PTPRU: variants seen among roughly 807,000 people sequenced by gnomAD.
PTPRU encodes receptor-type tyrosine-protein phosphatase U.
A neutral mutation model predicts 166.3 loss-of-function variants in PTPRU; 69 were observed. The ratio of observed to expected loss-of-function variants is 0.41; its 90% CI spans 0.34 to 0.51. The LOEUF (loss-of-function observed/expected upper bound fraction) is 0.51, where lower values mean the gene tolerates loss of function less well. PTPRU is among the 20% of genes least tolerant of loss of function. The probability of loss-of-function intolerance (pLI) is 0.09; values close to 1 mark genes in which losing one functional copy is unlikely to be tolerated. For missense variants in PTPRU, 1,657 were observed against 2,013.7 expected, an observed-to-expected ratio of 0.82 and a Z score of 3.39; for synonymous variants, 793 against 814.0, an observed-to-expected ratio of 0.97 and a Z score of 0.44.
chr1:29,253,324 T>C (rs1684636420), intron 1 of PTPRU, among the ~76,000 whole-genome samples: 1 of 152,130 alleles, frequency 6.6e-6, no homozygotes, highest in Non-Finnish European at 1.5e-5. Context: ...ACACCTGATC[T>C]AAACCCAGCA....
At chr1:29,284,063 T>G in intron 13 of PTPRU, 87 bp downstream of exon 13, 1 of 1,535,026 alleles carries the variant, frequency 6.5e-7, no homozygotes, top group South Asian at 1.1e-5. Context: ...GACCTACGGC[T>G]GTGGGAGTAG....
intron 22 of PTPRU, among the ~76,000 whole-genome samples, chr1:29,314,670 C>T (rs67827535): frequency 0.092 from 14,008 of 151,964 alleles, 728 homozygotes; most frequent in Middle Eastern, 0.19. Context: ...CTCCATCTCC[C>T]GGGTTCAAGC....
rs778902967 is a variant in PTPRU, at chr1:29,275,618, G to A, written c.1315G>A (p.Val439Met). The change falls in exon 8 of 30, where the codon GTG becomes ATG. Residue 439 changes from valine (V) to methionine (M), a missense_variant. Val to Met is a conservative substitution (Grantham distance 21). This residue lies in a region of PTPRU where 1,190 missense variants were observed against 1,477.4 expected (regional missense o/e 0.81). Transcript: ENST00000373779. ...CCACAACCAGACCATCCGAGAGTGT[G>A]TGAAGACAGAGCAAGGTGTCAGCCG... Reference protein sequence around the residue: ...SSHNQTIRECVKTEQGVSRYT... With the variant: ...SSHNQTIRECMKTEQGVSRYT... 5.6e-6 allele frequency: 9 copies of A among 1,614,054 alleles called. No homozygotes were observed. The East Asian group carries it at 1.8e-4, about 32-fold the overall frequency.
In PTPRU at chr1:29,282,899, C is replaced by T; in HGVS notation, c.2092C>T (p.Pro698Ser). Residue 698 changes from proline (P) to serine (S), a missense_variant, in exon 12 of 30, where the codon CCT becomes TCT. Pro to Ser is a moderately conservative substitution (Grantham distance 74). Around this residue, in one of 3 missense-constraint regions of PTPRU, gnomAD observed 1,190 missense variants for 1,477.4 expected, o/e 0.81. Coordinates refer to ENST00000373779, the MANE Select transcript of PTPRU (RefSeq NM_133178.4). ...AGGCTTCTGGAACCCACCACTTGAG[C>T]CTAGGAAGGCCTATCTCATCTACTT... ...YRGFWNPPLE[P>S]RKAYLIYFQA... 4.3e-6 allele frequency: 7 copies of T among 1,614,034 alleles called. No individual in the cohort carries two copies. Among genetic ancestry groups the T allele is most frequent in the Non-Finnish European group, 5.9e-6 (7 of 1,179,968 alleles).
intron 2 of PTPRU, among the ~76,000 whole-genome samples, chr1:29,258,089 C>G (rs1443332757): frequency 6.6e-6 from 1 of 152,114 alleles, no homozygotes; most frequent in Non-Finnish European, 1.5e-5. Flanking sequence ...TTCAGCCTCC[C>G]GAGTAGCTGG....
chr1:29,284,788 G>C lies in PTPRU; in HGVS notation c.2237G>C (p.Gly746Ala). ...LEVSQRSEEM[G>A]LILGICAGGL... The stretch of plus-strand genomic sequence containing the variant: ...GTGTCCCAGAGATCGGAGGAGATGG[G>C]GCTTATCCTGGGCATCTGTGCAGGG... The change falls in exon 14 of 30, where the codon GGG becomes GCG. Residue 746 changes from glycine (G) to alanine (A), a missense_variant. By Grantham distance (60) the Gly-to-Ala change is moderately conservative (BLOSUM62 0). Transcript: ENST00000373779. 6.2e-7 allele frequency: 1 copy of C among 1,614,024 alleles called. No individual in the cohort carries two copies. The highest frequency in any genetic ancestry group is 8.5e-7 in the Non-Finnish European group (1 of 1,179,958).
chr1:29,283,785 T>TC lies in PTPRU; in HGVS notation c.2143-149dup. Reference sequence around the variant, plus strand: ...CCCCTCTAGGCCCCGCTCTCAAGGGTCCCCCCAGGCCTGCCTTCGGGTGGG... The same window carrying TC: ...CCCCTCTAGGCCCCGCTCTCAAGGGTCCCCCCCAGGCCTGCCTTCGGGTGGG... On this transcript the variant is annotated intron_variant, in intron 12 of 29. Transcript: ENST00000373779. 3.6e-6 allele frequency: 3 copies of TC among 822,024 alleles called. No individual in the cohort carries two copies. The South Asian group carries it at 5.0e-5, about 14-fold the overall frequency. The allele number at this position is 822,024 out of a possible 1,614,324, so 50.9% of individuals were successfully genotyped here.
At position 29,279,526 on chromosome 1, in the gene PTPRU, AG is replaced by A; in HGVS notation, c.1635del (p.Lys545AsnfsTer39). 1 of 1,614,056 alleles carries A rather than the reference AG, an allele frequency of 6.2e-7. No homozygotes were observed. Among genetic ancestry groups the A allele is most frequent in the Non-Finnish European group, 8.5e-7 (1 of 1,179,982 alleles). Reference protein sequence around the residue: ...NVPGPRRTISKLRNETYHVFS... With the variant: ...NVPGPRRTISXLRNETYHVFS... Reference sequence around the variant, plus strand: ...CCAGGCCCACGACGTACCATCTCCAAGCTCCGCAATGAGACCTACCATGTCT... The same window carrying A: ...CCAGGCCCACGACGTACCATCTCCAACTCCGCAATGAGACCTACCATGTCT... On this transcript the variant is annotated frameshift_variant, in exon 10 of 30. Coordinates refer to ENST00000373779, the MANE Select transcript of PTPRU (RefSeq NM_133178.4). LOFTEE classifies it high-confidence loss of function. The surrounding 1 kb of genome is among the most constrained non-coding windows in gnomAD (Gnocchi z 5.2).
intron 5 of PTPRU, 114 bp downstream of exon 5, chr1:29,259,678 C>A (rs964703075): frequency 2.1e-5 from 26 of 1,250,994 alleles, no homozygotes; most frequent in Middle Eastern, 2.8e-4. Flanking sequence ...CAGCACTGCG[C>A]ACAGCGTCCC....
chr1:29,289,525 C>T (rs1409426542), intron 14 of PTPRU, among the ~76,000 whole-genome samples: 6 of 152,104 alleles, frequency 3.9e-5, no homozygotes, highest in Non-Finnish European at 8.8e-5. Context: ...CTGAGCCTGA[C>T]CAGGGAGGTC....
Position 29,291,203 on chromosome 1 carries a change from G to A in PTPRU, c.2319-666G>A, listed in dbSNP as rs1399600850. 6.6e-6 allele frequency among the ~76,000 whole-genome samples: 1 copy of A among 152,130 alleles called. No individual in the cohort carries two copies. Among genetic ancestry groups the A allele is most frequent in the Non-Finnish European group, 1.5e-5 (1 of 68,006 alleles). On this transcript the variant is annotated intron_variant, in intron 14 of 29. Coordinates refer to ENST00000373779, the MANE Select transcript of PTPRU (RefSeq NM_133178.4). The surrounding 1 kb of genome is among the most constrained non-coding windows in gnomAD (Gnocchi z 4.1). ...AGGACGGACTGGTGGGCAGTGGTGGGAATCTGGACCTTCTGTGGGTCTCTT... is the reference window on the plus strand; with the variant it reads ...AGGACGGACTGGTGGGCAGTGGTGGAAATCTGGACCTTCTGTGGGTCTCTT...
At chr1:29,272,431 C>G (rs1325519674) in intron 7 of PTPRU, among the ~76,000 whole-genome samples, 1 of 152,180 alleles carries the variant, frequency 6.6e-6, no homozygotes, top group Non-Finnish European at 1.5e-5. Context: ...TGCTGCTTGC[C>G]TGCATTCCAG....
Position 29,279,613 on chromosome 1 carries a change from G to T in PTPRU, c.1721G>T (p.Gly574Val). ...TCCGTGCGGGCCCGCACAGGCAAAG[G>T]CTTCGGCCAGGCGGCACTCACTGAG... ...LFSVRARTGKGFGQAALTEIT... is the reference protein window; with the variant it reads ...LFSVRARTGKVFGQAALTEIT... Residue 574 changes from glycine to valine, a missense_variant, in exon 10 of 30, where the codon GGC (glycine) becomes GTC (valine). Transcript: ENST00000373779. The surrounding 1 kb of genome is among the most constrained non-coding windows in gnomAD (Gnocchi z 5.2). 6.2e-7 allele frequency: 1 copy of T among 1,613,718 alleles called. No individual in the cohort carries two copies.
At chr1:29,290,288 T>A (rs750793795) in intron 14 of PTPRU, among the ~76,000 whole-genome samples, 2 of 152,198 alleles carry the variant, frequency 1.3e-5, no homozygotes, top group Non-Finnish European at 2.9e-5. Context: ...TGTGCTCAGT[T>A]CTTGACAGAG....
intron 14 of PTPRU, among the ~76,000 whole-genome samples, chr1:29,287,550 C>T (rs900988277): frequency 1.3e-5 from 2 of 150,880 alleles, no homozygotes; most frequent in Middle Eastern, 3.5e-3. Flanking sequence ...GGCCTCACAG[C>T]AGTCCCTGTG....
chr1:29,292,324 A>T (rs768609768), intron 15 of PTPRU, among the ~76,000 whole-genome samples: 6 of 152,106 alleles, frequency 3.9e-5, no homozygotes, highest in Non-Finnish European at 8.8e-5. Flanking sequence ...CTCACCCCTT[A>T]TTGAGCACCT....
At chr1:29,277,803 C>CTTTTTTTTTT (rs71586898) in intron 8 of PTPRU, among the ~76,000 whole-genome samples, 802 of 50,574 alleles carry the variant, frequency 0.016, 170 homozygotes, top group Non-Finnish European at 0.021. Context: ...AGTTGTCATT[C>CTTTTTTTTTT]TTTTTTTTTT....
chr1:29,291,032 G>C lies in PTPRU; in HGVS notation c.2319-837G>C, dbSNP rs1686603684. Among the ~76,000 whole-genome samples the C allele has an allele frequency of 6.6e-6, 1 of 152,158 alleles. No individual in the cohort carries two copies. The highest frequency in any genetic ancestry group is 6.5e-5 in the Admixed American group (1 of 15,280). On this transcript the variant is annotated intron_variant, in intron 14 of 29. Coordinates refer to ENST00000373779, the MANE Select transcript of PTPRU (RefSeq NM_133178.4). This position sits in a 1 kb window ranked among gnomAD's most constrained non-coding sequence, Gnocchi z 4.1. ...CAGCCAGGCTGGCTGGCTGTCCTCTGTCCATGGCCCTATCTCCCCACCTCC... is the reference window on the plus strand; with the variant it reads ...CAGCCAGGCTGGCTGGCTGTCCTCTCTCCATGGCCCTATCTCCCCACCTCC...
At chr1:29,248,957 C>T (rs368423145) in intron 1 of PTPRU, among the ~76,000 whole-genome samples, 1 of 152,188 alleles carries the variant, frequency 6.6e-6, no homozygotes, top group African/African-American at 2.4e-5. Flanking sequence ...CAACTGCAAC[C>T]GGTCATCTGA....
Sources: gnomAD v4.1 joint callset for allele counts (sites outside exome capture counted in the v4.1 genomes callset) on GRCh38, gnomAD v4.1.1 for gene constraint, gnomAD v4.1.1 regional missense constraint, Gnocchi (gnomAD v3.1) non-coding constraint, MANE v1.5 for transcripts, NCBI Gene and HGNC (gene_info 2026-07-23, HGNC 2026-07-21) for gene names.